WDR59: variants seen among roughly 807,000 people sequenced by gnomAD.
WDR59 encodes the protein GATOR2 complex protein WDR59.
Under a neutral mutation model 131.2 loss-of-function variants are expected in WDR59, and 100 were observed. The ratio of observed to expected loss-of-function variants is 0.76; its 90% confidence interval spans 0.65 to 0.90. The LOEUF is 0.90. WDR59 is among the 40% of genes least tolerant of loss of function. The pLI, the probability that WDR59 is intolerant of heterozygous loss-of-function variation, is 0.00. For missense variants in WDR59, 1,203 were observed against 1,262.2 expected, an observed-to-expected ratio of 0.95 and a Z score of 0.71; for synonymous variants, 601 against 466.2, an observed-to-expected ratio of 1.29 and a Z score of -3.72.
At chr16:74,979,186 C>T (rs2034300979) in intron 1 of WDR59, 2 of 152,140 alleles carry the variant, frequency 1.3e-5, no homozygotes, top group Non-Finnish European at 2.9e-5. Flanking sequence ...TTCTACAAAA[C>T]AGTGATGCTC....
rs192500158 is a variant in WDR59, at chr16:74,978,389, G to C, written c.54+6575C>G. On this transcript the variant is annotated intron_variant, in intron 1 of 25. Coordinates refer to ENST00000262144, the MANE Select transcript of WDR59 (RefSeq NM_030581.4). Reference sequence around the variant, plus strand: ...TGCCTGTCGACTCAGTTATTCAGGAGGCTGAGATGGGAGGACACTTGAGCC... The same window carrying C: ...TGCCTGTCGACTCAGTTATTCAGGACGCTGAGATGGGAGGACACTTGAGCC... 3.9e-3 allele frequency among the ~76,000 whole-genome samples: 585 copies of C among 151,492 alleles called. 4 individuals carry two copies. Among genetic ancestry groups the C allele is most frequent in the African/African-American group, 0.014 (562 of 41,252 alleles).
intron 2 of WDR59, among the ~76,000 whole-genome samples, chr16:74,965,268 G>GAT: frequency 6.7e-6 from 1 of 148,584 alleles, no homozygotes; most frequent in African/African-American, 2.5e-5. Context: ...TTAATTGCCA[G>GAT]TCTTAAAAAT....
chr16:74,932,421 CA>C (rs1237360817), intron 8 of WDR59, among the ~76,000 whole-genome samples: 7 of 124,618 alleles, frequency 5.6e-5, no homozygotes, highest in African/African-American at 2.2e-4. Flanking sequence ...AGTCATGAAA[CA>C]TAATTTTTAC....
chr16:74,886,341 C>G lies in WDR59; in HGVS notation c.2475G>C (p.Glu825Asp). ...SSPWGESSPE[E>D]LRFGSLTYSD... ...TGTAGGTCAGACTCCCAAAGCGGAGCTCTTCTGGTGAGGATTCTCCCCAAG... is the reference window on the plus strand; with the variant it reads ...TGTAGGTCAGACTCCCAAAGCGGAGGTCTTCTGGTGAGGATTCTCCCCAAG... Residue 825 changes from glutamate (E) to aspartate (D), a missense_variant, in exon 24 of 26, where the codon GAG becomes GAC. Coordinates refer to ENST00000262144, the MANE Select transcript of WDR59 (RefSeq NM_030581.4). The G allele has an allele frequency of 6.2e-7, 1 of 1,613,984 alleles. No homozygotes were observed. The highest frequency in any genetic ancestry group is 1.1e-5 in the South Asian group (1 of 91,072).
chr16:74,917,614 G>A (rs1966452193), intron 11 of WDR59, among the ~76,000 whole-genome samples: 1 of 151,976 alleles, frequency 6.6e-6, no homozygotes, highest in Non-Finnish European at 1.5e-5. Flanking sequence ...TTGAAGACTA[G>A]CCTGGCCAAC....
At chr16:74,911,171 G>A (rs568523794) in intron 14 of WDR59, among the ~76,000 whole-genome samples, 4 of 152,140 alleles carry the variant, frequency 2.6e-5, no homozygotes, top group Non-Finnish European at 4.4e-5. Flanking sequence ...GAAAAGGTCT[G>A]ATTTTTCACA....
chr16:74,926,554 G>T (rs943356643), intron 8 of WDR59, among the ~76,000 whole-genome samples: 1 of 152,166 alleles, frequency 6.6e-6, no homozygotes, highest in African/African-American at 2.4e-5. Context: ...CTTTTCTGTA[G>T]AAGGGGATGA....
intron 20 of WDR59, among the ~76,000 whole-genome samples, chr16:74,890,305 C>G (rs1286503067): frequency 6.6e-6 from 1 of 152,084 alleles, no homozygotes; most frequent in African/African-American, 2.4e-5. Flanking sequence ...CATGTGCCAC[C>G]ACACCTGGCT....
intron 1 of WDR59, among the ~76,000 whole-genome samples, chr16:74,972,601 A>G (rs866476655): frequency 1.4e-4 from 21 of 151,914 alleles, no homozygotes; most frequent in African/African-American, 5.1e-4. Flanking sequence ...TGGGAGGCCA[A>G]GGTGGGTGGA....
chr16:74,897,256 G>C (rs182405564), intron 18 of WDR59, among the ~76,000 whole-genome samples: 1 of 152,318 alleles, frequency 6.6e-6, no homozygotes, highest in African/African-American at 2.4e-5. Flanking sequence ...TGGCTTCATA[G>C]CGGGGCAGGC....
At chr16:74,951,257 G>A (rs1050215748) in intron 4 of WDR59, among the ~76,000 whole-genome samples, 4 of 151,536 alleles carry the variant, frequency 2.6e-5, no homozygotes, top group Non-Finnish European at 5.9e-5. Context: ...CAACAGCTAC[G>A]CGATGGTACT....
chr16:74,942,860 C>T, intron 6 of WDR59, 34 bp from the exon 7 acceptor site: 1 of 1,600,286 alleles, frequency 6.2e-7, no homozygotes, highest in Non-Finnish European at 8.6e-7. Context: ...AAGCTGCTGC[C>T]CTTGGTGCTT....
intron 4 of WDR59, 48 bp downstream of exon 4, chr16:74,951,410 C>T: frequency 6.5e-7 from 1 of 1,535,472 alleles, no homozygotes; most frequent in Non-Finnish European, 8.9e-7. Context: ...TCCCAGGGGA[C>T]TGTGACAAAG....
chr16:74,942,354 G>A (rs940859228), intron 7 of WDR59, among the ~76,000 whole-genome samples: 3 of 152,148 alleles, frequency 2.0e-5, no homozygotes, highest in Non-Finnish European at 2.9e-5. Context: ...AGCAGGGGCA[G>A]GGATAAGAAG....
At chr16:74,959,739 C>T (rs750598990) in intron 2 of WDR59, 41 of 193,752 alleles carry the variant, frequency 2.1e-4, no homozygotes, top group Non-Finnish European at 2.8e-4. Flanking sequence ...ATGATTGCAC[C>T]ACTGCACTCC....
intron 2 of WDR59, among the ~76,000 whole-genome samples, chr16:74,960,833 C>T (rs1391460802): frequency 1.3e-5 from 2 of 148,764 alleles, no homozygotes; most frequent in Non-Finnish European, 3.0e-5. Flanking sequence ...AATACAGAAA[C>T]ATTTCTCTAA....
At chr16:74,931,830 T>C (rs902104995) in intron 8 of WDR59, among the ~76,000 whole-genome samples, 2 of 151,952 alleles carry the variant, frequency 1.3e-5, no homozygotes, top group African/African-American at 2.4e-5. Flanking sequence ...GCTGTGATTG[T>C]GCCATTGTAT....
rs111969587 is a variant in WDR59, at chr16:74,907,163, G to C, written c.1712+1745C>G. Among the ~76,000 whole-genome samples the C allele has an allele frequency of 2.0e-3, 311 of 152,272 alleles. 8 individuals carry two copies. In the South Asian group the frequency reaches 0.051, roughly 25 times the overall value. Reference sequence around the variant, plus strand: ...ATCTGCCCAGGTTACTGCAGAGATTGGCCACCTCTTGGCAAAACAGCAGTG... The same window carrying C: ...ATCTGCCCAGGTTACTGCAGAGATTCGCCACCTCTTGGCAAAACAGCAGTG... On this transcript the variant is annotated intron_variant, in intron 17 of 25. Transcript: ENST00000262144.
At chr16:74,888,599 A>T (rs1294263912) in intron 21 of WDR59, among the ~76,000 whole-genome samples, 1 of 152,236 alleles carries the variant, frequency 6.6e-6, no homozygotes, top group Admixed American at 6.5e-5. Flanking sequence ...GGGCTTAAAC[A>T]TGAATGTGGC....
Sources: gnomAD v4.1 joint callset for allele counts (sites outside exome capture counted in the v4.1 genomes callset) on GRCh38, gnomAD v4.1.1 for gene constraint, MANE v1.5 for transcripts, NCBI Gene and HGNC (gene_info 2026-07-23, HGNC 2026-07-21) for gene names.